RAB27A: variants seen among roughly 807,000 people sequenced by gnomAD.
The protein encoded by RAB27A is ras-related protein Rab-27A.
Under a neutral mutation model 20.8 loss-of-function variants are expected in RAB27A, and 17 were observed. The observed-to-expected ratio is 0.82, with a 90% CI of 0.56 to 1.23. The LOEUF (loss-of-function observed/expected upper bound fraction) is 1.23, where lower values mean the gene tolerates loss of function less well. RAB27A is among the 50% of genes most tolerant of loss of function. The pLI, the probability that RAB27A is intolerant of heterozygous loss-of-function variation, is 0.00. For missense variants in RAB27A, 277 were observed against 266.7 expected, an observed-to-expected ratio of 1.04 and a Z score of -0.27; for synonymous variants, 85 against 92.8, an observed-to-expected ratio of 0.92 and a Z score of 0.48.
chr15:55,311,467 G>A (rs1246130336), intron 2 of RAB27A, among the ~76,000 whole-genome samples: 1 of 151,106 alleles, frequency 6.6e-6, no homozygotes, highest in Admixed American at 6.6e-5. Flanking sequence ...AGTTTGGGTT[G>A]AAGGGGGGTC....
intron 2 of RAB27A, among the ~76,000 whole-genome samples, chr15:55,306,743 A>G (rs974166960): frequency 1.3e-5 from 2 of 152,162 alleles, no homozygotes; most frequent in East Asian, 3.9e-4. Context: ...TGGGGCATCA[A>G]TATGTCTGGG....
chr15:55,211,957 CCT>C (rs1491269677), intron 6 of RAB27A, among the ~76,000 whole-genome samples: 2 of 131,172 alleles, frequency 1.5e-5, no homozygotes, highest in Non-Finnish European at 3.1e-5. Context: ...TGGACTATAA[CCT>C]TTTTTTTTTT....
intron 1 of RAB27A, chr15:55,317,854 AAATCTCTTCAAATCTGCATACAAAAATGG>A: frequency 2.5e-6 from 1 of 395,064 alleles, no homozygotes; most frequent in Admixed American, 4.4e-5. Flanking sequence ...CACACCCAGG[AAATCTCTTCAAATCTGCATACAAAAATGG>A]AAAGCAAAGC....
rs182968480 is a variant in RAB27A, at chr15:55,266,678, C to G, written c.-23+3487G>C. Among the ~76,000 whole-genome samples, 12 of 152,256 alleles carry G rather than the reference C, an allele frequency of 7.9e-5. No individual in the cohort carries two copies. The South Asian group carries it at 2.5e-3, about 32-fold the overall frequency. On this transcript the variant is annotated intron_variant, in intron 2 of 6. Coordinates refer to ENST00000336787, the MANE Select transcript of RAB27A (RefSeq NM_183235.3). ...TAACTCATTTAGTCTTCACAACAAC[C>G]GTATAAGGTCCCTAAATCTACAGAT...
At chr15:55,241,673 T>C (rs1335602599) in intron 2 of RAB27A, among the ~76,000 whole-genome samples, 1 of 145,936 alleles carries the variant, frequency 6.9e-6, no homozygotes, top group Admixed American at 6.8e-5. Flanking sequence ...GCAGGTGTGG[T>C]GGCATTAGCC....
At chr15:55,236,804 T>G (rs959982877) in intron 2 of RAB27A, among the ~76,000 whole-genome samples, 1 of 152,182 alleles carries the variant, frequency 6.6e-6, no homozygotes, top group Non-Finnish European at 1.5e-5. Context: ...ATGAAGGTAT[T>G]TAGGGTATTT....
intron 6 of RAB27A, among the ~76,000 whole-genome samples, chr15:55,217,553 T>C (rs1297213072): frequency 1.3e-5 from 2 of 149,436 alleles, no homozygotes; most frequent in East Asian, 2.0e-4. Flanking sequence ...TAGCCCCAGC[T>C]ACTCGGGAGG....
chr15:55,252,149 G>A (rs1238983416), intron 2 of RAB27A, among the ~76,000 whole-genome samples: 2 of 152,140 alleles, frequency 1.3e-5, no homozygotes, highest in Admixed American at 1.3e-4. Flanking sequence ...AAGAATTCAA[G>A]AGGACATCTG....
intron 1 of RAB27A, among the ~76,000 whole-genome samples, chr15:55,286,912 C>CTTTTT (rs35313703): frequency 1.7e-4 from 10 of 57,156 alleles, no homozygotes; most frequent in East Asian, 6.1e-4. Flanking sequence ...TAGATGTATT[C>CTTTTT]TTTTTTTTTT....
intron 2 of RAB27A, among the ~76,000 whole-genome samples, chr15:55,266,505 A>G (rs922613565): frequency 6.6e-6 from 1 of 152,234 alleles, no homozygotes; most frequent in Non-Finnish European, 1.5e-5. Context: ...ATAACTTCTT[A>G]ACAGACTAGT....
intron 4 of RAB27A, 39 bp from the exon 5 acceptor site, chr15:55,228,751 C>T: frequency 7.2e-7 from 1 of 1,396,106 alleles, no homozygotes; most frequent in Non-Finnish European, 1.0e-6. Flanking sequence ...TAAACCACGG[C>T]CCCACTCCTG....
At chr15:55,216,056 C>G (rs1895287745) in intron 6 of RAB27A, among the ~76,000 whole-genome samples, 1 of 151,666 alleles carries the variant, frequency 6.6e-6, no homozygotes, top group African/African-American at 2.4e-5. Flanking sequence ...AGTTTAACCT[C>G]TGTGCCTCCG....
chr15:55,215,651 C>CAAAAA (rs562538229), intron 6 of RAB27A, among the ~76,000 whole-genome samples: 8 of 76,578 alleles, frequency 1.0e-4, no homozygotes, highest in African/African-American at 3.6e-4. Flanking sequence ...GACTCCGTCT[C>CAAAAA]AAAAAAAAAA....
chr15:55,304,327 G>C (rs966125873), intron 2 of RAB27A, among the ~76,000 whole-genome samples: 1 of 151,332 alleles, frequency 6.6e-6, no homozygotes, highest in Non-Finnish European at 1.5e-5. Context: ...AAACACTGCG[G>C]AAGGCCGCAG....
intron 1 of RAB27A, among the ~76,000 whole-genome samples, chr15:55,286,787 G>C (rs1055930573): frequency 3.9e-5 from 6 of 152,062 alleles, no homozygotes; most frequent in Non-Finnish European, 2.9e-5. Flanking sequence ...ATAGAGTGTG[G>C]AGCAGTAAGG....
At chr15:55,291,371 G>A (rs945378841), upstream of RAB27A, among the ~76,000 whole-genome samples, 2 of 152,102 alleles carry the variant, frequency 1.3e-5, no homozygotes, top group South Asian at 4.2e-4. Flanking sequence ...TTAGCAGGGC[G>A]TCGTGGCACG....
chr15:55,314,965 A>G (rs2055036665), intron 1 of RAB27A, among the ~76,000 whole-genome samples: 1 of 152,242 alleles, frequency 6.6e-6, no homozygotes, highest in Admixed American at 6.5e-5. Context: ...GGCAACCCCA[A>G]GCAAAAAGAA....
At chr15:55,207,013 C>T (rs528456786) in intron 6 of RAB27A, among the ~76,000 whole-genome samples, 11 of 152,038 alleles carry the variant, frequency 7.2e-5, no homozygotes, top group Non-Finnish European at 1.3e-4. Context: ...AGGATATGCA[C>T]GGGAAATTCT....
chr15:55,303,659 G>T (rs1473812539), intron 2 of RAB27A, among the ~76,000 whole-genome samples: 1 of 98,208 alleles, frequency 1.0e-5, no homozygotes, highest in Non-Finnish European at 2.2e-5. Context: ...GGAGGGAGGT[G>T]GGGGGGGTCA....
Sources: allele counts gnomAD v4.1 joint callset (sites outside exome capture counted in the v4.1 genomes callset), GRCh38; gene constraint gnomAD v4.1.1; transcripts MANE v1.5; gene names NCBI Gene and HGNC (gene_info 2026-07-23, HGNC 2026-07-21).